Variants in NOTCH3 observed in about 807,000 individuals in gnomAD.
NOTCH3 encodes the protein notch receptor 3.
In NOTCH3, 86 loss-of-function variants were observed where a neutral mutation model predicts 213.3. The observed-to-expected ratio is 0.40, with a 90% CI of 0.34 to 0.48. NOTCH3 has a LOEUF of 0.48. Among genes scored for constraint, NOTCH3 ranks in the 20% least tolerant of loss-of-function variants. The pLI is 0.57. For synonymous variants in NOTCH3, 1,354 were observed against 1,355.9 expected (o/e 1.00, Z 0.03); for missense variants, 2,783 against 3,272.6 (o/e 0.85, Z 3.65).
At chr19:15,188,708 C>A (rs1282570393) in intron 8 of NOTCH3, among the ~76,000 whole-genome samples, 3 of 151,998 alleles carry the variant, frequency 2.0e-5, no homozygotes, top group Admixed American at 6.6e-5. Flanking sequence ...GACCTCACAG[C>A]AGCCCCGACT....
In NOTCH3 at chr19:15,180,687, G is replaced by T. The variant is rs2145421449; in HGVS notation, c.3136C>A (p.Gln1046Lys). 1 of 1,554,184 alleles carries T rather than the reference G, an allele frequency of 6.4e-7. No individual in the cohort carries two copies. Reference protein sequence around the residue: ...RSLPCREAAAQIGVRLEQLCQ... With the variant: ...RSLPCREAAAKIGVRLEQLCQ... Reference sequence around the variant, plus strand: ...CCCACATGCTCCCACTCACCGATCTGGGCTGCGGCCTCCCTGCAGGGCAAG... The same window carrying T: ...CCCACATGCTCCCACTCACCGATCTTGGCTGCGGCCTCCCTGCAGGGCAAG... Residue 1046 changes from glutamine (Q) to lysine (K), a missense_variant, in exon 19 of 33, where the codon CAG becomes AAG. By Grantham distance (53) the Gln-to-Lys change is moderately conservative. Around this residue, in one of 6 missense-constraint regions of NOTCH3, gnomAD observed 861 missense variants for 909.1 expected, o/e 0.95. Coordinates refer to ENST00000263388, the MANE Select transcript of NOTCH3 (RefSeq NM_000435.3).
intron 24 of NOTCH3, among the ~76,000 whole-genome samples, chr19:15,175,699 G>A (rs760931037): frequency 2.6e-5 from 4 of 150,956 alleles, no homozygotes; most frequent in East Asian, 1.9e-4. Flanking sequence ...CCAGGGAGGT[G>A]CTCACTGAGA....
chr19:15,187,059 TG>T, intron 11 of NOTCH3, 45 bp downstream of exon 11: 1 of 1,606,862 alleles, frequency 6.2e-7, no homozygotes, highest in Non-Finnish European at 8.5e-7. Flanking sequence ...CCAAACCCTC[TG>T]TGCCCCTCCA....
chr19:15,178,281 TGGAGACCCCACCTGGCAGATAAGCCCTG>T (rs2046809430), intron 23 of NOTCH3, 191 bp from the exon 24 acceptor site: 1 of 540,958 alleles, frequency 1.8e-6, no homozygotes, highest in Non-Finnish European at 3.3e-6. Flanking sequence ...CTTTCCACAC[TGGAGACCCCACCTGGCAGATAAGCCCTG>T]CCATCCCAGG....
intron 25 of NOTCH3, among the ~76,000 whole-genome samples, chr19:15,173,724 CAAAAAAAAA>C (rs1212635746): frequency 1.5e-5 from 2 of 131,308 alleles, no homozygotes; most frequent in Admixed American, 7.7e-5. Flanking sequence ...GACTCCGTCT[CAAAAAAAAA>C]AAAAAAAAGA....
chr19:15,191,614 G>T lies in NOTCH3; in HGVS notation c.846C>A (p.Pro282=). The T allele has an allele frequency of 6.2e-7, 1 of 1,613,322 alleles. No homozygotes were observed. ...TEDVDECQLQ[P]NACHNGGTCF... is the part of the protein sequence containing the mutation. The stretch of plus-strand genomic sequence containing the variant: ...AGGTACCCCCATTGTGGCAGGCGTT[G>T]GGCTGCAGCTGACACTCATCCACGT... Residue 282 remains proline (P), a synonymous_variant, in exon 6 of 33, where the codon CCC becomes CCA. Coordinates refer to ENST00000263388, the MANE Select transcript of NOTCH3 (RefSeq NM_000435.3).
rs781068003 is a variant in NOTCH3, at chr19:15,187,208, G to C, written c.1737C>G (p.Cys579Trp). Residue 579 changes from cysteine (C) to tryptophan (W), a missense_variant, in exon 11 of 33, where the codon TGC becomes TGG. By Grantham distance (215) the Cys-to-Trp change is radical. Coordinates refer to ENST00000263388, the MANE Select transcript of NOTCH3 (RefSeq NM_000435.3). ...ACAPGYTGTR[C>W]ESQVDECRSQ... is the part of the protein sequence containing the mutation. ...TGCGGCATTCGTCCACCTGGCTCTC[G>C]CAGCGTGTGCCCGTGTAGCCAGGAG... 6.2e-7 allele frequency: 1 copy of C among 1,614,042 alleles called. No homozygotes were observed.
intron 16 of NOTCH3, among the ~76,000 whole-genome samples, chr19:15,182,658 T>C (rs1422657222): frequency 6.6e-6 from 1 of 152,124 alleles, no homozygotes; most frequent in Non-Finnish European, 1.5e-5. Flanking sequence ...TTTATTTTTT[T>C]TGAGATGGGG....
Position 15,165,270 on chromosome 19 carries a change from T to G in NOTCH3, c.5815+98A>C. 1 of 1,274,982 alleles carries G rather than the reference T, an allele frequency of 7.8e-7. No homozygotes were observed. The highest frequency in any genetic ancestry group is 1.8e-4 in the Middle Eastern group (1 of 5,446). The allele number at this position is 1,274,982 out of a possible 1,614,324, so 79.0% of individuals were successfully genotyped here. A position where few individuals can be genotyped will look rare whatever the true frequency, so the allele number is the denominator to read the frequency against. On this transcript the variant is annotated intron_variant, in intron 31 of 32. Transcript: ENST00000263388. The surrounding 1 kb of genome is among the most constrained non-coding windows in gnomAD (Gnocchi z 4.7). ...CTGGTTATGTGTGCGTGAGCTTCAGTGATTGGGTCTCAACATGGGTATGAA... is the reference window on the plus strand; with the variant it reads ...CTGGTTATGTGTGCGTGAGCTTCAGGGATTGGGTCTCAACATGGGTATGAA...
chr19:15,182,927 C>A (rs929099925), intron 16 of NOTCH3, among the ~76,000 whole-genome samples: 1 of 152,056 alleles, frequency 6.6e-6, no homozygotes, highest in Admixed American at 6.6e-5. Context: ...CCGGTGTGAG[C>A]CACTGCGCCC....
chr19:15,162,695 T>C (rs1387175551), intron 31 of NOTCH3, 133 bp from the exon 32 acceptor site: 16 of 709,742 alleles, frequency 2.3e-5, no homozygotes, highest in Middle Eastern at 2.4e-4. Flanking sequence ...CAAGTACTTG[T>C]GTCTGGATCC....
At chr19:15,179,597 C>T (rs1386580652) in intron 20 of NOTCH3, 101 bp from the exon 21 acceptor site, 2 of 1,328,604 alleles carry the variant, frequency 1.5e-6, no homozygotes, top group African/African-American at 1.4e-5. Flanking sequence ...AAAGGACACA[C>T]ACAGATGTTC....
chr19:15,189,810 C>G (rs533667308), intron 6 of NOTCH3, among the ~76,000 whole-genome samples: 2 of 152,130 alleles, frequency 1.3e-5, no homozygotes, highest in Non-Finnish European at 2.9e-5. Context: ...TGAGCCACCG[C>G]GCCCGGCCTG....
intron 1 of NOTCH3, 21 bp from the exon 2 acceptor site, chr19:15,197,599 G>T (rs1417552897): frequency 2.5e-6 from 4 of 1,609,218 alleles, no homozygotes; most frequent in Non-Finnish European, 3.4e-6. Context: ...GTGAAGGAAG[G>T]TGGAGGATCA....
chr19:15,189,564 G>A (rs1599392330), intron 6 of NOTCH3, 136 bp from the exon 7 acceptor site: 3 of 1,067,404 alleles, frequency 2.8e-6, no homozygotes, highest in Non-Finnish European at 2.8e-6. Flanking sequence ...TGTTGCCCAA[G>A]CTGGAGTACA....
chr19:15,179,607 C>A, intron 20 of NOTCH3, 111 bp from the exon 21 acceptor site: 1 of 1,168,522 alleles, frequency 8.6e-7, no homozygotes, highest in Non-Finnish European at 1.2e-6. Flanking sequence ...CACAGATGTT[C>A]AGCGCACTAC....
chr19:15,161,824 C>G, intron 32 of NOTCH3, 110 bp from the exon 33 acceptor site: 3 of 920,832 alleles, frequency 3.3e-6, no homozygotes, highest in Non-Finnish European at 4.9e-6. Flanking sequence ...TGGAGCTTGA[C>G]AGACCTGGGT....
Position 15,174,242 on chromosome 19 carries a change from G to T in NOTCH3, c.4562C>A (p.Pro1521Gln). The change falls in exon 25 of 33, where the codon CCA (proline) becomes CAA (glutamine). Residue 1521 changes from proline to glutamine, a missense_variant. Physicochemically the swap from Pro to Gln is moderately conservative, Grantham distance 76. Coordinates refer to ENST00000263388, the MANE Select transcript of NOTCH3 (RefSeq NM_000435.3). ...GVLVLTVLLP[P>Q]EELLRSSADF... is the part of the protein sequence containing the mutation. ...GGCGCTGGAACGCAGTAGCTCCTCT[G>T]GCGGCAGCAGCACTGTGAGCACCAG... 1 of 1,588,016 alleles carries T rather than the reference G, an allele frequency of 6.3e-7. No homozygotes were observed.
intron 24 of NOTCH3, among the ~76,000 whole-genome samples, chr19:15,175,520 G>A (rs1439521057): frequency 1.8e-5 from 2 of 108,306 alleles, no homozygotes; most frequent in African/African-American, 7.1e-5. Flanking sequence ...GGCAATGGGA[G>A]AGAAATCCTG....
Sources: allele counts gnomAD v4.1 joint callset (sites outside exome capture counted in the v4.1 genomes callset), GRCh38; gene constraint gnomAD v4.1.1; regional missense constraint gnomAD v4.1.1; non-coding constraint Gnocchi (gnomAD v3.1); transcripts MANE v1.5; gene names NCBI Gene and HGNC (gene_info 2026-07-23, HGNC 2026-07-21).